MVB12B: variants seen among roughly 807,000 people sequenced by gnomAD.
The protein encoded by MVB12B is ESCRT-I complex subunit MVB12B.
MVB12B carries 16 observed loss-of-function variants against 41.6 expected under a neutral mutation model. The observed-to-expected ratio is 0.38, with a 90% confidence interval of 0.26 to 0.58. The LOEUF is 0.58. Among genes scored for constraint, MVB12B ranks in the 20% least tolerant of loss-of-function variants. The pLI is 0.62. For synonymous variants in MVB12B, 133 were observed against 139.7 expected, an observed-to-expected ratio of 0.95 and a Z score of 0.34; for missense variants, 274 against 380.2, an observed-to-expected ratio of 0.72 and a Z score of 2.32.
rs1002369752 is a variant in MVB12B at position 126,460,813 on chromosome 9, C to T, written c.758-20556C>T. On this transcript the variant is annotated intron_variant, in intron 7 of 9. Coordinates refer to ENST00000361171, the MANE Select transcript of MVB12B (RefSeq NM_033446.3). ...CTGGCAGGTGCTCCTGGGGAGGTGTCTTAACTGCTCTTTGCCTGAGTGGCC... is the reference window on the plus strand; with the variant it reads ...CTGGCAGGTGCTCCTGGGGAGGTGTTTTAACTGCTCTTTGCCTGAGTGGCC... 7.2e-5 allele frequency among the ~76,000 whole-genome samples: 11 copies of T among 152,118 alleles called. 1 individual carries two copies. The highest frequency in any genetic ancestry group is 7.2e-4 in the Admixed American group (11 of 15,276).
At chr9:126,358,338 CAA>C (rs745370396) in intron 2 of MVB12B, among the ~76,000 whole-genome samples, 1 of 133,820 alleles carries the variant, frequency 7.5e-6, no homozygotes. Flanking sequence ...TCAATTTTTA[CAA>C]AAAAAAAAAG....
intron 6 of MVB12B, 124 bp from the exon 7 acceptor site, chr9:126,421,730 G>A: frequency 4.1e-6 from 3 of 730,146 alleles, no homozygotes; most frequent in Non-Finnish European, 4.9e-6. Flanking sequence ...AGGAGGCGCT[G>A]GCCAGAAGCA....
rs546924565 is a variant in MVB12B at position 126,476,720 on chromosome 9, CA to C, written c.758-4642del. On this transcript the variant is annotated intron_variant, in intron 7 of 9. Coordinates refer to ENST00000361171, the MANE Select transcript of MVB12B (RefSeq NM_033446.3). Reference sequence around the variant, plus strand: ...TGAAACCCTGTATCTACTAAAAATACAAAAAAATTAGCCGGGCATGGTGGCG... The same window carrying C: ...TGAAACCCTGTATCTACTAAAAATACAAAAAATTAGCCGGGCATGGTGGCG... 6.3e-4 allele frequency among the ~76,000 whole-genome samples: 95 copies of C among 151,234 alleles called. 1 individual carries two copies. The highest frequency in any genetic ancestry group is 2.2e-3 in the African/African-American group (92 of 41,238).
At chr9:126,416,374 C>T (rs114464568) in intron 6 of MVB12B, among the ~76,000 whole-genome samples, 80 of 152,338 alleles carry the variant, frequency 5.3e-4, no homozygotes, top group African/African-American at 1.8e-3. Context: ...TTTGGACCCA[C>T]ATCCAGCGGA....
At chr9:126,489,111 G>A (rs1002421772) in intron 9 of MVB12B, among the ~76,000 whole-genome samples, 5 of 152,218 alleles carry the variant, frequency 3.3e-5, no homozygotes, top group Admixed American at 6.5e-5. Flanking sequence ...GGGAGCATGC[G>A]CTCCTGGGCC....
intron 2 of MVB12B, among the ~76,000 whole-genome samples, chr9:126,349,055 G>A (rs1829676607): frequency 6.6e-6 from 1 of 152,142 alleles, no homozygotes; most frequent in African/African-American, 2.4e-5. Context: ...GCACAGGTGG[G>A]GAAACATAGG....
chr9:126,416,224 A>G (rs748644792), intron 6 of MVB12B, among the ~76,000 whole-genome samples: 4 of 152,146 alleles, frequency 2.6e-5, no homozygotes, highest in Non-Finnish European at 5.9e-5. Flanking sequence ...TGGGAGTAGG[A>G]TTGAAGCTCG....
intron 7 of MVB12B, among the ~76,000 whole-genome samples, chr9:126,452,671 A>G (rs1335608582): frequency 1.3e-5 from 2 of 151,892 alleles, no homozygotes; most frequent in African/African-American, 4.8e-5. Flanking sequence ...GTCAGAGCCC[A>G]TTTCCCCCAT....
At position 126,503,233 on chromosome 9, in the gene MVB12B, C is replaced by T; in HGVS notation, c.930C>T (p.Pro310=). ...CAGCCGCCAGGCTCCCGCCCAGCCC[C>T]ACCAGGTGTCAGCAGATCCCGCAGT... ...QSAAARLPPS[P]TRCQQIPQS Residue 310 remains proline (P), a synonymous_variant, in exon 10 of 10, where the codon CCC becomes CCT. Transcript: ENST00000361171. The T allele has an allele frequency of 1.3e-6, 2 of 1,550,510 alleles. No homozygotes were observed. Among genetic ancestry groups the T allele is most frequent in the Non-Finnish European group, 1.7e-6 (2 of 1,146,938 alleles).
intron 6 of MVB12B, chr9:126,396,009 T>C (rs931439662): frequency 1.9e-5 from 21 of 1,127,186 alleles, no homozygotes; most frequent in Non-Finnish European, 2.2e-5. Context: ...TGTATAGCCA[T>C]GGGGTTGGGA....
At chr9:126,479,266 T>C (rs1016672389) in intron 7 of MVB12B, among the ~76,000 whole-genome samples, 2 of 152,012 alleles carry the variant, frequency 1.3e-5, no homozygotes, top group Non-Finnish European at 2.9e-5. Context: ...TGATCGGAAG[T>C]GTTACGAGTG....
chr9:126,330,775 C>A (rs1419606386), intron 1 of MVB12B, among the ~76,000 whole-genome samples: 1 of 152,076 alleles, frequency 6.6e-6, no homozygotes, highest in Non-Finnish European at 1.5e-5. Flanking sequence ...CCTTTCCTGA[C>A]CCCTGGCAAC....
chr9:126,470,552 T>G (rs1341231542), intron 7 of MVB12B, among the ~76,000 whole-genome samples: 1 of 151,914 alleles, frequency 6.6e-6, no homozygotes, highest in Non-Finnish European at 1.5e-5. Flanking sequence ...GGCCCTAGAT[T>G]CCTCCCAGGG....
At chr9:126,421,493 G>A (rs1004309354) in intron 6 of MVB12B, among the ~76,000 whole-genome samples, 1 of 152,198 alleles carries the variant, frequency 6.6e-6, no homozygotes, top group Admixed American at 6.5e-5. Context: ...GGTGTTCAGC[G>A]CCTGGGTTGT....
chr9:126,381,410 C>T (rs755658080), intron 3 of MVB12B, among the ~76,000 whole-genome samples: 7 of 152,072 alleles, frequency 4.6e-5, no homozygotes, highest in Non-Finnish European at 8.8e-5. Flanking sequence ...AAAAGGAAAC[C>T]AGGAAATTTC....
Position 126,402,132 on chromosome 9 carries a change from G to A in MVB12B, c.662+6435G>A, listed in dbSNP as rs1160975712. Among the ~76,000 whole-genome samples the A allele has an allele frequency of 2.0e-5, 3 of 152,246 alleles. No homozygotes were observed. The East Asian group carries it at 5.8e-4, about 29-fold the overall frequency. On this transcript the variant is annotated intron_variant, in intron 6 of 9. Transcript: ENST00000361171. Reference sequence around the variant, plus strand: ...CTAGGGTTCAGTAGGGGAAGGCTCAGTGCAGAGGATTGGAGTTGAAATCTG... The same window carrying A: ...CTAGGGTTCAGTAGGGGAAGGCTCAATGCAGAGGATTGGAGTTGAAATCTG...
rs575693017 is a variant in MVB12B, at chr9:126,416,126, A to G, written c.663-5728A>G. 4.7e-4 allele frequency among the ~76,000 whole-genome samples: 72 copies of G among 152,334 alleles called. 2 individuals are homozygous for G. The South Asian group carries it at 0.015, about 31-fold the overall frequency. On this transcript the variant is annotated intron_variant, in intron 6 of 9. Transcript: ENST00000361171. ...TGGATTTCATCCTGATGCAGAGGAA[A>G]GGCCCCGTGGGTTCTGCTGTGGTGC...
chr9:126,353,379 C>G (rs897665481), intron 2 of MVB12B, among the ~76,000 whole-genome samples: 6 of 152,216 alleles, frequency 3.9e-5, no homozygotes, highest in African/African-American at 7.2e-5. Context: ...TGGTCTGTAT[C>G]CCTCCAATCC....
rs113110128 is a variant in MVB12B, at chr9:126,336,754, GCACA to G, written c.82-3730_82-3727del. ...CGCACATACATGTTTGTGTGTGCAC[GCACA>G]CACACACACACACACACACACACTA... On this transcript the variant is annotated intron_variant, in intron 1 of 9. Coordinates refer to ENST00000361171, the MANE Select transcript of MVB12B (RefSeq NM_033446.3). Among the ~76,000 whole-genome samples the G allele has an allele frequency of 2.0e-3, 306 of 150,398 alleles. 6 individuals carry two copies. Among genetic ancestry groups the G allele is most frequent in the African/African-American group, 6.9e-3 (282 of 40,866 alleles).
Sources: gnomAD v4.1 joint callset for allele counts (sites outside exome capture counted in the v4.1 genomes callset) on GRCh38, gnomAD v4.1.1 for gene constraint, MANE v1.5 for transcripts, NCBI Gene and HGNC (gene_info 2026-07-23, HGNC 2026-07-21) for gene names.